Variants in PDE4D observed in about 807,000 individuals in gnomAD.
PDE4D encodes phosphodiesterase 4D.
PDE4D carries 24 observed loss-of-function variants against 87.4 expected under a neutral mutation model. That is an observed-to-expected ratio of 0.27 (90% confidence interval 0.20 to 0.39). The LOEUF (loss-of-function observed/expected upper bound fraction) is 0.39, where lower values mean the gene tolerates loss of function less well. Ranked by LOEUF, PDE4D falls within the 10% of genes least tolerant of loss-of-function variation. The pLI, the probability that PDE4D is intolerant of heterozygous loss-of-function variation, is 1.00. For missense variants in PDE4D, 714 were observed against 1,041.0 expected, an observed-to-expected ratio of 0.69 and a Z score of 4.32; for synonymous variants, 384 against 383.2, an observed-to-expected ratio of 1.00 and a Z score of -0.02.
chr5:59,343,289 A>G (rs1779070415), intron 1 of PDE4D, among the ~76,000 whole-genome samples: 2 of 152,058 alleles, frequency 1.3e-5, no homozygotes, highest in Admixed American at 1.3e-4. Flanking sequence ...TCTAACTGAA[A>G]TTTTATATCC....
At chr5:59,474,066 G>A (rs982414378) in intron 1 of PDE4D, among the ~76,000 whole-genome samples, 8 of 152,108 alleles carry the variant, frequency 5.3e-5, no homozygotes, top group African/African-American at 1.9e-4. Context: ...AAATGAAACA[G>A]AAAGGGGCAT....
chr5:60,007,764 T>C (rs1764631676), intron 2 of PDE4D, among the ~76,000 whole-genome samples: 1 of 152,028 alleles, frequency 6.6e-6, no homozygotes, highest in Non-Finnish European at 1.5e-5. Context: ...AAGTAGACCA[T>C]GATTCTATGT....
At chr5:60,231,336 T>C (rs1233686358) in intron 1 of PDE4D, among the ~76,000 whole-genome samples, 1 of 152,008 alleles carries the variant, frequency 6.6e-6, no homozygotes, top group African/African-American at 2.4e-5. Context: ...AGAGAAGCTA[T>C]TGTTCTATTG....
rs536847133 is a variant in PDE4D at position 60,410,571 on chromosome 5, G to A, written c.-90+77371C>T. 2.0e-4 allele frequency among the ~76,000 whole-genome samples: 31 copies of A among 152,282 alleles called. No individual in the cohort carries two copies. In the East Asian group the frequency reaches 5.2e-3, roughly 26 times the overall value. ...AAAACTAAGAAGCTACCTCTTCTCC[G>A]CCCATCTGGATGAGATGTCAGTGAA... is the stretch of plus-strand genomic sequence containing the variant. On this transcript the variant is annotated intron_variant, in intron 1 of 16. Coordinates refer to the PDE4D transcript ENST00000502484.
chr5:59,569,439 T>C (rs139765963), intron 1 of PDE4D, among the ~76,000 whole-genome samples: 2,651 of 152,250 alleles, frequency 0.017, 86 homozygotes, highest in African/African-American at 0.06. Context: ...AGGCAAAAAG[T>C]ACGACATATA....
At chr5:59,972,968 G>T (rs76404802) in intron 3 of PDE4D, among the ~76,000 whole-genome samples, 6,873 of 151,974 alleles carry the variant, frequency 0.045, 443 homozygotes, top group African/African-American at 0.14. Flanking sequence ...TTGGGGAGTC[G>T]GTCACCAACA....
intron 5 of PDE4D, among the ~76,000 whole-genome samples, chr5:59,094,806 G>C (rs1285905521): frequency 6.6e-6 from 1 of 152,050 alleles, no homozygotes; most frequent in Non-Finnish European, 1.5e-5. Context: ...AAAGATTTCT[G>C]AACAGAAAAT....
chr5:59,012,129 C>A (rs541996313), intron 6 of PDE4D, among the ~76,000 whole-genome samples: 65 of 152,258 alleles, frequency 4.3e-4, no homozygotes, highest in Non-Finnish European at 7.2e-4. Context: ...ACCAGGCCTG[C>A]CTTACAAGAG....
At chr5:59,202,675 T>C (rs1370982091) in intron 2 of PDE4D, among the ~76,000 whole-genome samples, 1 of 152,118 alleles carries the variant, frequency 6.6e-6, no homozygotes, top group African/African-American at 2.4e-5. Context: ...CTCATAGTAG[T>C]GAATGAGTCT....
intron 1 of PDE4D, among the ~76,000 whole-genome samples, chr5:59,813,453 C>T (rs1351264217): frequency 8.6e-6 from 1 of 115,776 alleles, no homozygotes; most frequent in African/African-American, 5.0e-5. Flanking sequence ...TGTACACACA[C>T]ACACACACAC....
chr5:59,291,699 G>T (rs1768041247), intron 1 of PDE4D, among the ~76,000 whole-genome samples: 1 of 148,300 alleles, frequency 6.7e-6, no homozygotes, highest in East Asian at 2.0e-4. Context: ...CACCTACTAT[G>T]TATGCACCAA....
intron 5 of PDE4D, among the ~76,000 whole-genome samples, chr5:59,142,056 G>A (rs1370808434): frequency 6.6e-6 from 1 of 152,078 alleles, no homozygotes; most frequent in East Asian, 1.9e-4. Flanking sequence ...GCACAAGCCT[G>A]AAAACTCAGG....
intron 6 of PDE4D, 71 bp downstream of exon 6, chr5:59,038,788 G>A: frequency 7.5e-7 from 1 of 1,334,462 alleles, no homozygotes; most frequent in Non-Finnish European, 9.9e-7. Context: ...CCGGGGCTAT[G>A]GGTACCAGTG....
At chr5:59,887,657 TC>T (rs1191315430) in intron 1 of PDE4D, among the ~76,000 whole-genome samples, 4 of 152,118 alleles carry the variant, frequency 2.6e-5, no homozygotes, top group Admixed American at 2.0e-4. Flanking sequence ...TAAGAACTCT[TC>T]CCAAGACATG....
intron 1 of PDE4D, among the ~76,000 whole-genome samples, chr5:59,439,761 T>C (rs550416762): frequency 5.9e-5 from 9 of 152,088 alleles, no homozygotes; most frequent in African/African-American, 2.2e-4. Context: ...CCCTTGGGGT[T>C]GGGATATAGG....
At chr5:60,070,437 T>C (rs1374930026) in intron 2 of PDE4D, among the ~76,000 whole-genome samples, 1 of 152,112 alleles carries the variant, frequency 6.6e-6, no homozygotes, top group African/African-American at 2.4e-5. Flanking sequence ...CAAACCCTTT[T>C]TCTGCATCTT....
chr5:59,599,364 G>T (rs1827166442), intron 1 of PDE4D, among the ~76,000 whole-genome samples: 1 of 151,084 alleles, frequency 6.6e-6, no homozygotes, highest in African/African-American at 2.4e-5. Context: ...TGGGATTACA[G>T]GCACCACCAC....
chr5:59,475,763 T>C (rs1803206813), intron 1 of PDE4D, among the ~76,000 whole-genome samples: 1 of 152,054 alleles, frequency 6.6e-6, no homozygotes, highest in Non-Finnish European at 1.5e-5. Context: ...GTTGTAGGGC[T>C]CAGGCTTGTT....
At chr5:59,423,645 G>T (rs917481408) in intron 1 of PDE4D, among the ~76,000 whole-genome samples, 1 of 152,106 alleles carries the variant, frequency 6.6e-6, no homozygotes, top group Non-Finnish European at 1.5e-5. Context: ...AAGATCTGTG[G>T]AATGATGGGA....
Sources: allele counts gnomAD v4.1 joint callset (sites outside exome capture counted in the v4.1 genomes callset), GRCh38; gene constraint gnomAD v4.1.1; transcripts MANE v1.5; gene names NCBI Gene and HGNC (gene_info 2026-07-23, HGNC 2026-07-21).